The following BFAR variants were observed in gnomAD, a reference collection of about 807,000 sequenced individuals.
BFAR encodes RING finger protein 47.
In BFAR, 52 loss-of-function variants were observed where a neutral mutation model predicts 54.4. The observed-to-expected ratio is 0.96, with a 90% CI of 0.77 to 1.21. The LOEUF (loss-of-function observed/expected upper bound fraction) is 1.21, where lower values mean the gene tolerates loss of function less well. BFAR is among the 50% of genes most tolerant of loss of function. BFAR has a pLI of 0.00. For synonymous variants in BFAR, 215 were observed against 204.3 expected (o/e 1.05, Z -0.45); for missense variants, 571 against 534.0 (o/e 1.07, Z -0.68).
chr16:14,634,188 A>C (rs966039367), intron 1 of BFAR, among the ~76,000 whole-genome samples: 1 of 152,184 alleles, frequency 6.6e-6, no homozygotes, highest in African/African-American at 2.4e-5. Flanking sequence ...CCAAATCGCC[A>C]ATAGGAAAGA....
chr16:14,669,108 C>A lies in BFAR; in HGVS notation c.*1281C>A, dbSNP rs558361855. ...AATAGGCCTACATCCAAAATATTAT[C>A]TTGTGACTCCATGAACCATTCATTA... On this transcript the variant is annotated 3_prime_UTR_variant, in exon 8 of 8. Transcript: ENST00000261658. The A allele has an allele frequency of 8.9e-6, 4 of 451,860 alleles. No homozygotes were observed. The highest frequency in any genetic ancestry group is 1.3e-5 in the Non-Finnish European group (3 of 224,546). The allele number at this position is 451,860 out of a possible 1,614,324, so 28.0% of individuals were successfully genotyped here.
chr16:14,645,028 A>G (rs2151837489), intron 2 of BFAR, among the ~76,000 whole-genome samples: 1 of 152,306 alleles, frequency 6.6e-6, no homozygotes, highest in South Asian at 2.1e-4. Context: ...ATCCTGTCAT[A>G]TAAAGGCCAG....
At chr16:14,643,304 C>G (rs562116873) in intron 1 of BFAR, among the ~76,000 whole-genome samples, 1 of 149,892 alleles carries the variant, frequency 6.7e-6, no homozygotes, top group East Asian at 1.9e-4. Context: ...AGTGAGACTT[C>G]GTCTCAAAAA....
At chr16:14,660,133 C>G (rs916104525) in intron 5 of BFAR, among the ~76,000 whole-genome samples, 5 of 152,288 alleles carry the variant, frequency 3.3e-5, no homozygotes, top group African/African-American at 1.2e-4. Flanking sequence ...CCAGCCCTCC[C>G]AATTCCAACA....
intron 4 of BFAR, among the ~76,000 whole-genome samples, chr16:14,651,880 A>ATTTT (rs35251866): frequency 2.7e-5 from 3 of 111,154 alleles, no homozygotes; most frequent in Admixed American, 1.1e-4. Flanking sequence ...GACATGCCCA[A>ATTTT]TTTTTTTTTT....
intron 5 of BFAR, among the ~76,000 whole-genome samples, chr16:14,655,845 GC>G (rs1274537666): frequency 6.6e-6 from 1 of 152,154 alleles, no homozygotes; most frequent in Non-Finnish European, 1.5e-5. Flanking sequence ...AGTTTAAACC[GC>G]ATCTGCTCTT....
chr16:14,643,129 A>G (rs1227883287), intron 1 of BFAR, among the ~76,000 whole-genome samples: 1 of 152,176 alleles, frequency 6.6e-6, no homozygotes, highest in Non-Finnish European at 1.5e-5. Flanking sequence ...CCTGGCCAAC[A>G]TGGCGAAAAC....
intron 5 of BFAR, among the ~76,000 whole-genome samples, chr16:14,655,698 C>T (rs1049250813): frequency 2.5e-4 from 38 of 152,170 alleles, no homozygotes; most frequent in African/African-American, 7.2e-4. Flanking sequence ...CCTCAGCCTC[C>T]CAAAGTGCTG....
chr16:14,653,531 G>A (rs558690042), intron 4 of BFAR, among the ~76,000 whole-genome samples: 1 of 152,084 alleles, frequency 6.6e-6, no homozygotes, highest in South Asian at 2.1e-4. Flanking sequence ...TCACCACGTT[G>A]GCCAGGCTGG....
At chr16:14,667,063 C>T (rs926992124) in intron 7 of BFAR, among the ~76,000 whole-genome samples, 7 of 151,914 alleles carry the variant, frequency 4.6e-5, no homozygotes, top group Admixed American at 2.6e-4. Flanking sequence ...ATTAACTGGG[C>T]GTGGTGGTGC....
intron 6 of BFAR, among the ~76,000 whole-genome samples, chr16:14,663,389 T>C (rs1960347592): frequency 1.3e-5 from 2 of 151,920 alleles, no homozygotes; most frequent in Admixed American, 1.3e-4. Flanking sequence ...TGGAGTGCAG[T>C]GGCGCAATCT....
chr16:14,645,200 A>G (rs1259056795), intron 2 of BFAR, among the ~76,000 whole-genome samples: 1 of 152,078 alleles, frequency 6.6e-6, no homozygotes, highest in Non-Finnish European at 1.5e-5. Flanking sequence ...CTATAGTCCC[A>G]GCTATGCCAG....
At position 14,649,914 on chromosome 16, in the gene BFAR, G is replaced by T. The variant is rs1210140079; in HGVS notation, c.579G>T (p.Gln193His). The T allele has an allele frequency of 6.2e-7, 1 of 1,613,694 alleles. No individual in the cohort carries two copies. Among genetic ancestry groups the T allele is most frequent in the Admixed American group, 1.7e-5 (1 of 59,944 alleles). The part of the protein sequence containing the change: ...TAEEVVLWLE[Q>H]LGPWASLYRE... Reference sequence around the variant, plus strand: ...AAGAAGTTGTCCTCTGGCTGGAGCAGCTGGGCCCTTGGGCATCTCTTTACA... The same window carrying T: ...AAGAAGTTGTCCTCTGGCTGGAGCATCTGGGCCCTTGGGCATCTCTTTACA... The change falls in exon 4 of 8, where the codon CAG becomes CAT. Residue 193 changes from glutamine (Q) to histidine (H), a missense_variant. By Grantham distance (24) the Gln-to-His change is conservative (BLOSUM62 0). Coordinates refer to ENST00000261658, the MANE Select transcript of BFAR (RefSeq NM_016561.3).
intron 2 of BFAR, among the ~76,000 whole-genome samples, chr16:14,646,712 G>A (rs1037891936): frequency 5.2e-4 from 78 of 149,416 alleles, no homozygotes; most frequent in African/African-American, 1.9e-3. Context: ...TGGTCAGGCT[G>A]GTCTCATACT....
intron 1 of BFAR, among the ~76,000 whole-genome samples, chr16:14,637,151 A>G (rs975395564): frequency 7.7e-6 from 1 of 129,384 alleles, no homozygotes; most frequent in African/African-American, 3.1e-5. Flanking sequence ...ATGTCTCTGC[A>G]TAGTCACCCT....
chr16:14,649,870 G>T lies in BFAR; in HGVS notation c.535G>T (p.Val179Leu), dbSNP rs1315114395. The change falls in exon 4 of 8, where the codon GTG becomes TTG. Residue 179 changes from valine to leucine, a missense_variant. Physicochemically the swap from Val to Leu is conservative, Grantham distance 32. Transcript: ENST00000261658. ...ACACGACCTCCTGGTCCACAAGGCTGTGGCCAAATGGACGGCGGAAGAAGT... is the reference window on the plus strand; with the variant it reads ...ACACGACCTCCTGGTCCACAAGGCTTTGGCCAAATGGACGGCGGAAGAAGT... ...SEHDLLVHKA[V>L]AKWTAEEVVL... The T allele has an allele frequency of 1.9e-6, 3 of 1,613,380 alleles. No individual in the cohort carries two copies. The highest frequency in any genetic ancestry group is 2.5e-6 in the Non-Finnish European group (3 of 1,179,706).
chr16:14,644,189 T>C (rs1453197238), intron 1 of BFAR, 85 bp from the exon 2 acceptor site: 2 of 773,280 alleles, frequency 2.6e-6, no homozygotes, highest in Non-Finnish European at 4.1e-6. Flanking sequence ...AATTAGCGCT[T>C]CAATAGAATG....
rs773827902 is a variant in BFAR at position 14,668,999 on chromosome 16, A to G, written c.*1172A>G. 6.7e-6 allele frequency: 3 copies of G among 450,306 alleles called. No individual in the cohort carries two copies. The highest frequency in any genetic ancestry group is 7.0e-5 in the East Asian group (1 of 14,350). 27.9% of individuals were successfully genotyped at this position (450,306 alleles called of 1,614,324 possible). ...CAAGCGCTATAGTTATAAATATGGCATGAAGTGAACTATGGCCTTTTATTT... is the reference window on the plus strand; with the variant it reads ...CAAGCGCTATAGTTATAAATATGGCGTGAAGTGAACTATGGCCTTTTATTT... On this transcript the variant is annotated 3_prime_UTR_variant, in exon 8 of 8. Transcript: ENST00000261658.
intron 5 of BFAR, among the ~76,000 whole-genome samples, chr16:14,656,837 A>G (rs1960142708): frequency 6.6e-6 from 1 of 151,706 alleles, no homozygotes; most frequent in Admixed American, 6.6e-5. Flanking sequence ...CATAAGGAAC[A>G]AAGTCCTGTA....
Sources: gnomAD v4.1 joint callset for allele counts (sites outside exome capture counted in the v4.1 genomes callset) on GRCh38, gnomAD v4.1.1 for gene constraint, MANE v1.5 for transcripts, NCBI Gene and HGNC (gene_info 2026-07-23, HGNC 2026-07-21) for gene names.